The following PDE6B variants were observed in gnomAD, a reference collection of about 807,000 sequenced individuals.
PDE6B encodes rod cGMP-specific 3',5'-cyclic phosphodiesterase subunit beta.
In PDE6B, 106 loss-of-function variants were observed where a neutral mutation model predicts 109.0. That is an observed-to-expected ratio of 0.97 (90% confidence interval 0.83 to 1.14). PDE6B has a LOEUF of 1.14. PDE6B is among the 50% of genes most tolerant of loss of function. PDE6B has a pLI of 0.00. For synonymous variants in PDE6B, 490 were observed against 471.3 expected (o/e 1.04, Z -0.51); for missense variants, 1,193 against 1,155.6 (o/e 1.03, Z -0.47).
rs772691352 is a variant in PDE6B at position 662,482 on chromosome 4, G to A, written c.1723-27G>A. ...CCCCACCCTGCTGGAGCCAGGACCGGTGAGCAAGGTGGCCCTGTCTCTACA... is the reference window on the plus strand; with the variant it reads ...CCCCACCCTGCTGGAGCCAGGACCGATGAGCAAGGTGGCCCTGTCTCTACA... On this transcript the variant is annotated intron_variant, in intron 13 of 21. Coordinates refer to ENST00000496514, the MANE Select transcript of PDE6B (RefSeq NM_000283.4). The surrounding 1 kb of genome is among the most constrained non-coding windows in gnomAD (Gnocchi z 4.3). 26 of 1,480,814 alleles carry A rather than the reference G, an allele frequency of 1.8e-5. No individual in the cohort carries two copies. The highest frequency in any genetic ancestry group is 9.0e-5 in the South Asian group (8 of 88,438). The allele number at this position is 1,480,814 out of a possible 1,614,324, so 91.7% of individuals were successfully genotyped here.
chr4:658,934 A>G lies in PDE6B; in HGVS notation c.1402-18A>G, dbSNP rs200081409. The G allele has an allele frequency of 1.2e-6, 2 of 1,600,692 alleles. No individual in the cohort carries two copies. The highest frequency in any genetic ancestry group is 1.3e-5 in the African/African-American group (1 of 74,758). ...CATGCGAAGCTCTTTCTCGTGACAC[A>G]TCTGTGTCTCTGTGTAGCCAACCAG... On this transcript the variant is annotated intron_variant, in intron 10 of 21. Coordinates refer to ENST00000496514, the MANE Select transcript of PDE6B (RefSeq NM_000283.4).
intron 1 of PDE6B, among the ~76,000 whole-genome samples, chr4:629,202 C>T: frequency 6.6e-6 from 1 of 152,174 alleles, no homozygotes; most frequent in East Asian, 1.9e-4. Flanking sequence ...AGCGAGTGGG[C>T]CTGTGAGGTG....
At chr4:652,331 A>G (rs1735652842) in intron 3 of PDE6B, 1 of 172,982 alleles carries the variant, frequency 5.8e-6, no homozygotes, top group Non-Finnish European at 1.1e-5. Context: ...CCACTGGCCA[A>G]AAGCTAGGAT....
intron 6 of PDE6B, 172 bp downstream of exon 6, chr4:655,060 G>C: frequency 1.6e-6 from 1 of 643,830 alleles, no homozygotes; most frequent in Non-Finnish European, 2.8e-6. Context: ...TGGAGTTGGG[G>C]GTGAGACAGA....
rs1285933579 is a variant in PDE6B at position 654,168 on chromosome 4, G to T, written c.927+14G>T. The T allele has an allele frequency of 6.2e-7, 1 of 1,610,120 alleles. No individual in the cohort carries two copies. Among genetic ancestry groups the T allele is most frequent in the Non-Finnish European group, 8.5e-7 (1 of 1,177,080 alleles). ...CCTGATGGCCGGGTGAGTCTTAGGG[G>T]AGGGGCCCAGGGCCTGTCCACACGC... On this transcript the variant is annotated intron_variant, in intron 5 of 21. Coordinates refer to ENST00000496514, the MANE Select transcript of PDE6B (RefSeq NM_000283.4).
chr4:656,193 T>C (rs1736218235), intron 7 of PDE6B, 52 bp from the exon 8 acceptor site: 8 of 1,320,962 alleles, frequency 6.1e-6, no homozygotes, highest in Non-Finnish European at 7.7e-6. Flanking sequence ...TTTTAGATCA[T>C]AACAGACCTT....
chr4:653,691 C>A, intron 3 of PDE6B, 161 bp from the exon 4 acceptor site: 1 of 822,646 alleles, frequency 1.2e-6, no homozygotes, highest in Non-Finnish European at 2.0e-6. Context: ...AACCTGGCCA[C>A]GGAGCCACCA....
At chr4:630,978 C>G (rs1427604073) in intron 1 of PDE6B, among the ~76,000 whole-genome samples, 2 of 152,198 alleles carry the variant, frequency 1.3e-5, no homozygotes, top group Admixed American at 1.3e-4. Context: ...GCTGGGACAG[C>G]TGAAATGGAG....
Position 656,007 on chromosome 4 carries a change from G to C in PDE6B, c.1059+1G>C, listed in dbSNP as rs2109208075. On this transcript the variant is annotated splice_donor_variant, in intron 7 of 21. Coordinates refer to ENST00000496514, the MANE Select transcript of PDE6B (RefSeq NM_000283.4). LOFTEE classifies it high-confidence loss of function. ...AAGCTACGTGGCAGAAAGCGGCTTTGTGAGTCCCGTGCTGTCTGGAGTCCC... is the reference window on the plus strand; with the variant it reads ...AAGCTACGTGGCAGAAAGCGGCTTTCTGAGTCCCGTGCTGTCTGGAGTCCC... The C allele has an allele frequency of 6.3e-7, 1 of 1,583,976 alleles. No homozygotes were observed. The highest frequency in any genetic ancestry group is 1.1e-5 in the South Asian group (1 of 90,522).
Position 625,602 on chromosome 4 carries a change from G to A in PDE6B, c.-25G>A. On this transcript the variant is annotated 5_prime_UTR_variant, in exon 1 of 22. Coordinates refer to ENST00000496514, the MANE Select transcript of PDE6B (RefSeq NM_000283.4). The surrounding 1 kb of genome is among the most constrained non-coding windows in gnomAD (Gnocchi z 5.0). ...GAGTCCATGCGTGCCTGGAGCAGCA[G>A]CGTCTCCAGGGACAGGCAGCCACCA... 6.6e-7 allele frequency: 1 copy of A among 1,518,234 alleles called. No homozygotes were observed. The allele number at this position is 1,518,234 out of a possible 1,614,324, so 94.0% of individuals were successfully genotyped here. A position where few individuals can be genotyped will look rare whatever the true frequency, so the allele number is the denominator to read the frequency against.
In PDE6B at chr4:664,981, C is replaced by T. The variant is rs756714108; in HGVS notation, c.2193+37C>T. ...GGGCCCTCCAGACCCAGAGTCAGTG[C>T]CTCTCAGCACATGGGACTGCCGGGC... On this transcript the variant is annotated intron_variant, in intron 18 of 21. Coordinates refer to ENST00000496514, the MANE Select transcript of PDE6B (RefSeq NM_000283.4). 8.0e-6 allele frequency: 12 copies of T among 1,505,252 alleles called. No individual in the cohort carries two copies. The East Asian group carries it at 2.0e-4, about 25-fold the overall frequency. The allele number at this position is 1,505,252 out of a possible 1,614,324, so 93.2% of individuals were successfully genotyped here. A position where few individuals can be genotyped will look rare whatever the true frequency, so the allele number is the denominator to read the frequency against.
intron 10 of PDE6B, 44 bp from the exon 11 acceptor site, chr4:658,908 A>T: frequency 1.4e-6 from 2 of 1,441,992 alleles, no homozygotes; most frequent in Non-Finnish European, 2.0e-6. Flanking sequence ...ACCTTGTCCC[A>T]CATGCGAAGC....
chr4:669,908 T>C (rs1738322071), intron 21 of PDE6B, 138 bp from the exon 22 acceptor site: 3 of 751,810 alleles, frequency 4.0e-6, no homozygotes, highest in Non-Finnish European at 7.3e-6. Context: ...GCCCAGCTAA[T>C]CGGCTTGGGC....
At chr4:669,997 C>T (rs1738332144) in intron 21 of PDE6B, 49 bp from the exon 22 acceptor site, 5 of 1,480,894 alleles carry the variant, frequency 3.4e-6, no homozygotes, top group Non-Finnish European at 4.7e-6. Flanking sequence ...AGGAATAGGG[C>T]TGGTGTGCAC....
rs756249591 is a variant in PDE6B, at chr4:625,811, T to C, written c.185T>C (p.Leu62Pro). Residue 62 changes from leucine (L) to proline (P), a missense_variant, in exon 1 of 22, where the codon CTG becomes CCG. Leu to Pro is a moderately conservative substitution (Grantham distance 98). Transcript: ENST00000496514. The surrounding 1 kb of genome is among the most constrained non-coding windows in gnomAD (Gnocchi z 5.0). Reference sequence around the variant, plus strand: ...GAGGAGAGCACGGCGCTGCTGGAGCTGGTGCAGGATATGCAGGAGAGCATC... The same window carrying C: ...GAGGAGAGCACGGCGCTGCTGGAGCCGGTGCAGGATATGCAGGAGAGCATC... ...QVEESTALLE[L>P]VQDMQESINM... The C allele has an allele frequency of 2.5e-6, 4 of 1,613,220 alleles. No individual in the cohort carries two copies. The highest frequency in any genetic ancestry group is 3.4e-6 in the Non-Finnish European group (4 of 1,179,926).
intron 8 of PDE6B, 50 bp from the exon 9 acceptor site, chr4:656,824 G>A (rs768056194): frequency 2.2e-5 from 35 of 1,602,016 alleles, no homozygotes; most frequent in Non-Finnish European, 2.8e-5. Context: ...ACACGCCCGG[G>A]CCAGGGCCAG....
chr4:660,645 C>G (rs1405719841), intron 12 of PDE6B, 32 bp downstream of exon 12: 1 of 1,606,400 alleles, frequency 6.2e-7, no homozygotes, highest in African/African-American at 1.3e-5. Context: ...ATAGTCAGGT[C>G]CCTGAGGCCG....
intron 11 of PDE6B, among the ~76,000 whole-genome samples, chr4:659,570 TGG>T (rs1736788613): frequency 6.6e-6 from 1 of 151,328 alleles, no homozygotes; most frequent in African/African-American, 2.4e-5. Context: ...TGTGCACATG[TGG>T]GTGTGTGTGT....
At chr4:655,462 G>A (rs191390417) in intron 6 of PDE6B, 309 of 302,718 alleles carry the variant, frequency 1.0e-3, no homozygotes, top group African/African-American at 6.4e-3. Flanking sequence ...ACAAGTCAGG[G>A]TCAGGGTGGC....
Sources: allele counts gnomAD v4.1 joint callset (sites outside exome capture counted in the v4.1 genomes callset), GRCh38; gene constraint gnomAD v4.1.1; non-coding constraint Gnocchi (gnomAD v3.1); transcripts MANE v1.5; gene names NCBI Gene and HGNC (gene_info 2026-07-23, HGNC 2026-07-21).